The following FAF2 variants were observed in gnomAD, a reference collection of about 807,000 sequenced individuals.
FAF2 encodes the protein Fas associated factor family member 2, also known as FAS-associated factor 2.
Under a neutral mutation model 62.3 loss-of-function variants are expected in FAF2, and 9 were observed. The observed-to-expected ratio is 0.14, with a 90% confidence interval of 0.09 to 0.25. The LOEUF (loss-of-function observed/expected upper bound fraction) is 0.25. FAF2 is among the 10% of genes least tolerant of loss of function. FAF2 has a pLI of 1.00. For missense variants in FAF2, 368 were observed against 556.2 expected, an observed-to-expected ratio of 0.66 and a Z score of 3.40; for synonymous variants, 202 against 198.0, an observed-to-expected ratio of 1.02 and a Z score of -0.17.
At chr5:176,480,574 A>T (rs1453838027) in intron 2 of FAF2, among the ~76,000 whole-genome samples, 1 of 151,878 alleles carries the variant, frequency 6.6e-6, no homozygotes, top group Non-Finnish European at 1.5e-5. Context: ...CACCATGCCC[A>T]GCTGATTTTT....
chr5:176,507,644 CCATTGTCCCTCT>C lies in FAF2; in HGVS notation c.*697_*708del, dbSNP rs1755708376. Reference sequence around the variant, plus strand: ...CCGGGCTGGTTTGTGCTTATTTCTGCCATTGTCCCTCTCACGTTCCCAGAGAGGTCATTCTTT... The same window carrying C: ...CCGGGCTGGTTTGTGCTTATTTCTGCCACGTTCCCAGAGAGGTCATTCTTT... On this transcript the variant is annotated 3_prime_UTR_variant, in exon 11 of 11. Transcript: ENST00000261942. 1 of 153,322 alleles carries C rather than the reference CCATTGTCCCTCT, an allele frequency of 6.5e-6. No individual in the cohort carries two copies. The highest frequency in any genetic ancestry group is 2.0e-4 in the South Asian group (1 of 4,956). The allele number at this position is 153,322 out of a possible 1,614,324, so 9.5% of individuals were successfully genotyped here.
intron 1 of FAF2, among the ~76,000 whole-genome samples, chr5:176,475,121 T>C (rs1758664739): frequency 6.6e-6 from 1 of 151,582 alleles, no homozygotes; most frequent in African/African-American, 2.4e-5. Context: ...GCAATGTTTA[T>C]AACCATTTAT....
At chr5:176,488,564 A>T (rs1245112045) in intron 3 of FAF2, among the ~76,000 whole-genome samples, 1 of 152,032 alleles carries the variant, frequency 6.6e-6, no homozygotes, top group African/African-American at 2.4e-5. Flanking sequence ...CTGGGACTAC[A>T]GGTGCATGCC....
At chr5:176,478,770 T>A (rs535565061) in intron 1 of FAF2, among the ~76,000 whole-genome samples, 1 of 152,202 alleles carries the variant, frequency 6.6e-6, no homozygotes, top group Non-Finnish European at 1.5e-5. Context: ...TTGAGACATG[T>A]CAGCACTCAA....
At chr5:176,456,013 G>A (rs1692714335) in intron 1 of FAF2, among the ~76,000 whole-genome samples, 1 of 151,818 alleles carries the variant, frequency 6.6e-6, no homozygotes, top group Non-Finnish European at 1.5e-5. Context: ...TTGTCTTATA[G>A]AGATATGATT....
chr5:176,454,615 A>G (rs761383473), intron 1 of FAF2, among the ~76,000 whole-genome samples: 3 of 147,330 alleles, frequency 2.0e-5, no homozygotes, highest in Non-Finnish European at 4.5e-5. Flanking sequence ...AAAAAAATCT[A>G]ATAATACATG....
intron 7 of FAF2, among the ~76,000 whole-genome samples, chr5:176,495,239 C>G (rs551085945): frequency 1.3e-5 from 2 of 152,302 alleles, no homozygotes; most frequent in African/African-American, 4.8e-5. Flanking sequence ...ATGCCACATA[C>G]TGTGCCATGT....
rs369548342 is a variant in FAF2 at position 176,484,184 on chromosome 5, T to TG, written c.133-2170dup. ...GGACACATTACCTTCTTGGCATAGA[T>TG]GTATAACAATATGCATGAAGTATAG... On this transcript the variant is annotated intron_variant, in intron 2 of 10. Transcript: ENST00000261942. Among the ~76,000 whole-genome samples, 82 of 152,336 alleles carry TG rather than the reference T, an allele frequency of 5.4e-4. 1 individual carries two copies. The highest frequency in any genetic ancestry group is 1.9e-3 in the African/African-American group (80 of 41,574).
intron 10 of FAF2, 123 bp downstream of exon 10, chr5:176,500,269 G>A: frequency 1.1e-6 from 1 of 938,142 alleles, no homozygotes; most frequent in South Asian, 1.7e-5. Flanking sequence ...AACAGAGAGA[G>A]AGAGAGAGAG....
chr5:176,493,500 T>G (rs1463142764), intron 5 of FAF2, among the ~76,000 whole-genome samples: 1 of 152,262 alleles, frequency 6.6e-6, no homozygotes, highest in East Asian at 1.9e-4. Context: ...TTTTACACCC[T>G]ATGCTCTTTA....
At chr5:176,479,583 G>T (rs1408156550) in intron 2 of FAF2, among the ~76,000 whole-genome samples, 1 of 152,090 alleles carries the variant, frequency 6.6e-6, no homozygotes. Flanking sequence ...ATTCTTTGGG[G>T]TTGTCTAGGT....
intron 1 of FAF2, among the ~76,000 whole-genome samples, chr5:176,467,967 C>G (rs1013861804): frequency 6.6e-6 from 1 of 151,914 alleles, no homozygotes; most frequent in Non-Finnish European, 1.5e-5. Context: ...GAGTTCAAGA[C>G]TAGCCTGGCC....
At chr5:176,472,301 C>T (rs1265954069) in intron 1 of FAF2, among the ~76,000 whole-genome samples, 8 of 151,944 alleles carry the variant, frequency 5.3e-5, no homozygotes, top group African/African-American at 9.7e-5. Flanking sequence ...CGCACACCAC[C>T]GTGCCCAGCT....
chr5:176,487,616 A>G (rs1446090353), intron 3 of FAF2, among the ~76,000 whole-genome samples: 5 of 152,202 alleles, frequency 3.3e-5, no homozygotes, highest in African/African-American at 4.8e-5. Context: ...GGTTAACACA[A>G]TGTGACAACT....
At chr5:176,449,832 C>T (rs945352190) in intron 1 of FAF2, among the ~76,000 whole-genome samples, 1 of 152,198 alleles carries the variant, frequency 6.6e-6, no homozygotes, top group African/African-American at 2.4e-5. Flanking sequence ...GATGTAAGTA[C>T]TTTGTAAACA....
At chr5:176,476,747 C>T (rs1434504882) in intron 1 of FAF2, among the ~76,000 whole-genome samples, 3 of 150,158 alleles carry the variant, frequency 2.0e-5, no homozygotes, top group African/African-American at 2.5e-5. Flanking sequence ...ATTCCCCCAC[C>T]ACAGCCTCCC....
At chr5:176,501,051 C>T (rs1387422233) in intron 10 of FAF2, among the ~76,000 whole-genome samples, 3 of 151,818 alleles carry the variant, frequency 2.0e-5, no homozygotes, top group South Asian at 2.1e-4. Context: ...CACTTGAACC[C>T]GGGAGACGGA....
intron 10 of FAF2, among the ~76,000 whole-genome samples, chr5:176,503,960 G>A (rs1156676398): frequency 2.6e-5 from 4 of 151,858 alleles, no homozygotes; most frequent in South Asian, 4.2e-4. Flanking sequence ...CCAGGAGTTC[G>A]AGACCAGCCT....
At position 176,494,256 on chromosome 5, in the gene FAF2, C is replaced by G. The variant is rs1387141071; in HGVS notation, c.642C>G (p.Asn214Lys). The change falls in exon 7 of 11, where the codon AAC (asparagine) becomes AAG (lysine). Residue 214 changes from asparagine (N) to lysine (K), a missense_variant. Around this residue, in one of 2 missense-constraint regions of FAF2, gnomAD observed 331 missense variants for 441.9 expected, o/e 0.75. Coordinates refer to ENST00000261942, the MANE Select transcript of FAF2 (RefSeq NM_014613.3). This position sits in a 1 kb window ranked among gnomAD's most constrained non-coding sequence, Gnocchi z 4.0. ...TGCTCTTCTGGGCATGCTCTACAAA[C>G]AAACCTGAGGGATACAGGGGTAAGT... is the stretch of plus-strand genomic sequence containing the variant. ...TRMLFWACSTNKPEGYRVSQA... is the reference protein window; with the variant it reads ...TRMLFWACSTKKPEGYRVSQA... 6.2e-7 allele frequency: 1 copy of G among 1,613,556 alleles called. No individual in the cohort carries two copies. Among genetic ancestry groups the G allele is most frequent in the Non-Finnish European group, 8.5e-7 (1 of 1,179,762 alleles).
Sources: gnomAD v4.1 joint callset for allele counts (sites outside exome capture counted in the v4.1 genomes callset) on GRCh38, gnomAD v4.1.1 for gene constraint, gnomAD v4.1.1 regional missense constraint, Gnocchi (gnomAD v3.1) non-coding constraint, MANE v1.5 for transcripts, NCBI Gene and HGNC (gene_info 2026-07-23, HGNC 2026-07-21) for gene names.